GREM2: variants seen among roughly 807,000 people sequenced by gnomAD.
GREM2 encodes gremlin 2, DAN family BMP antagonist.
In GREM2, 11 loss-of-function variants were observed where a neutral mutation model predicts 14.2. That is an observed-to-expected ratio of 0.78 (90% CI 0.49 to 1.28). The LOEUF (loss-of-function observed/expected upper bound fraction) is 1.28. Ranked by LOEUF, GREM2 falls within the 50% of genes most tolerant of loss-of-function variation. The pLI is 0.00. For missense variants in GREM2, 210 were observed against 218.5 expected, an observed-to-expected ratio of 0.96 and a Z score of 0.24; for synonymous variants, 98 against 97.6, an observed-to-expected ratio of 1.00 and a Z score of -0.02.
chr1:240,546,062 C>T (rs1051688484), intron 1 of GREM2, among the ~76,000 whole-genome samples: 1 of 152,046 alleles, frequency 6.6e-6, no homozygotes, highest in African/African-American at 2.4e-5. Flanking sequence ...TGGCCAGGCA[C>T]GGTGGCGCAT....
chr1:240,497,430 A>G (rs781090421), intron 1 of GREM2, among the ~76,000 whole-genome samples: 3 of 151,944 alleles, frequency 2.0e-5, no homozygotes, highest in African/African-American at 7.3e-5. Context: ...GTGGGATCCA[A>G]TGGCCACAAA....
chr1:240,537,734 G>A (rs577955319), intron 1 of GREM2, among the ~76,000 whole-genome samples: 19 of 152,188 alleles, frequency 1.2e-4, no homozygotes, highest in Admixed American at 3.3e-4. Flanking sequence ...GCAGTGAGCC[G>A]AGATGGCGCC....
At chr1:240,532,016 T>TA (rs1678373975) in intron 1 of GREM2, among the ~76,000 whole-genome samples, 1 of 152,116 alleles carries the variant, frequency 6.6e-6, no homozygotes. Context: ...ACCTAGAACT[T>TA]AATCTTTTAA....
intron 1 of GREM2, among the ~76,000 whole-genome samples, chr1:240,598,333 G>A (rs1679859751): frequency 1.3e-5 from 2 of 152,108 alleles, no homozygotes; most frequent in Admixed American, 1.3e-4. Flanking sequence ...CTGAAGTTGT[G>A]GGATTTTGCA....
intron 1 of GREM2, among the ~76,000 whole-genome samples, chr1:240,582,444 AC>A (rs1679503768): frequency 1.3e-5 from 2 of 151,964 alleles, no homozygotes; most frequent in South Asian, 4.2e-4. Context: ...ACACACACAC[AC>A]AAAAAAAGAG....
intron 1 of GREM2, among the ~76,000 whole-genome samples, chr1:240,531,376 C>G (rs181351331): frequency 3.9e-5 from 6 of 152,304 alleles, no homozygotes; most frequent in Admixed American, 3.9e-4. Flanking sequence ...AAAAGCAGCA[C>G]AGTACAAGCT....
At chr1:240,532,166 C>A (rs1020724761) in intron 1 of GREM2, among the ~76,000 whole-genome samples, 3 of 152,130 alleles carry the variant, frequency 2.0e-5, no homozygotes, top group Admixed American at 1.3e-4. Flanking sequence ...TCACTGCAAC[C>A]TCCGCCTCCC....
chr1:240,566,510 G>C (rs1033017895), intron 1 of GREM2, among the ~76,000 whole-genome samples: 8 of 152,176 alleles, frequency 5.3e-5, no homozygotes, highest in Non-Finnish European at 1.2e-4. Flanking sequence ...AACCGACTCT[G>C]GGGAGATCGA....
rs182413705 is a variant in GREM2, at chr1:240,596,651, T to G, written c.-2+15233A>C. Among the ~76,000 whole-genome samples the G allele has an allele frequency of 4.3e-3, 655 of 151,184 alleles. 3 individuals carry two copies. The highest frequency in any genetic ancestry group is 0.015 in the African/African-American group (618 of 41,246). ...GGCAGAGGTTGCGGTGAGCTGAGAT[T>G]GTGCCATTGCACTCCAGCCTGGGCA... On this transcript the variant is annotated intron_variant, in intron 1 of 1. Coordinates refer to ENST00000318160, the MANE Select transcript of GREM2 (RefSeq NM_022469.4).
At chr1:240,601,684 C>T (rs1340969827) in intron 1 of GREM2, among the ~76,000 whole-genome samples, 1 of 152,082 alleles carries the variant, frequency 6.6e-6, no homozygotes, top group South Asian at 2.1e-4. Context: ...AGGCGGGCAT[C>T]TCTCCTGAGG....
intron 1 of GREM2, among the ~76,000 whole-genome samples, chr1:240,509,905 C>T (rs1387826851): frequency 6.6e-6 from 1 of 152,126 alleles, no homozygotes; most frequent in Non-Finnish European, 1.5e-5. Context: ...GTGTCAAGAA[C>T]TCATGATCCC....
rs140065449 is a variant in GREM2, at chr1:240,581,726, G to A, written c.-2+30158C>T. Among the ~76,000 whole-genome samples the A allele has an allele frequency of 1.2e-3, 186 of 152,266 alleles. 1 individual carries two copies. Among genetic ancestry groups the A allele is most frequent in the African/African-American group, 4.0e-3 (167 of 41,556 alleles). On this transcript the variant is annotated intron_variant, in intron 1 of 1. Coordinates refer to ENST00000318160, the MANE Select transcript of GREM2 (RefSeq NM_022469.4). ...CTTGGAATTAAGCTTTTCTATGCCT[G>A]TCAATTTATATATTTAAACAGCTGT...
At chr1:240,544,949 T>G (rs906544381) in intron 1 of GREM2, among the ~76,000 whole-genome samples, 3 of 152,204 alleles carry the variant, frequency 2.0e-5, no homozygotes, top group African/African-American at 4.8e-5. Flanking sequence ...AAAAATAAGA[T>G]CAAATGTTAT....
intron 1 of GREM2, among the ~76,000 whole-genome samples, chr1:240,494,869 C>T (rs1026635890): frequency 2.0e-5 from 3 of 152,004 alleles, no homozygotes; most frequent in African/African-American, 7.3e-5. Context: ...TCACTGTATT[C>T]CAGCCTGTGC....
rs1460648617 is a variant in GREM2 at position 240,490,671 on chromosome 1, A to T, written c.*2298T>A. On this transcript the variant is annotated 3_prime_UTR_variant, in exon 2 of 2. Coordinates refer to ENST00000318160, the MANE Select transcript of GREM2 (RefSeq NM_022469.4). ...AACCCCAGAAGGAGCTTCACACTGC[A>T]GCATATCATATTGCTTTCATTGCTA... 5 of 152,470 alleles carry T rather than the reference A, an allele frequency of 3.3e-5. No individual in the cohort carries two copies. The highest frequency in any genetic ancestry group is 5.9e-5 in the Non-Finnish European group (4 of 68,042). The allele number at this position is 152,470 out of a possible 1,614,324, so 9.4% of individuals were successfully genotyped here.
chr1:240,560,628 T>C (rs1371805111), intron 1 of GREM2, among the ~76,000 whole-genome samples: 1 of 152,112 alleles, frequency 6.6e-6, no homozygotes, highest in African/African-American at 2.4e-5. Context: ...AGAAACAAAT[T>C]AAAATTTCTT....
chr1:240,525,520 G>A (rs528172492), intron 1 of GREM2, among the ~76,000 whole-genome samples: 1 of 151,964 alleles, frequency 6.6e-6, no homozygotes, highest in East Asian at 1.9e-4. Context: ...TTTAAACAGA[G>A]TGCTGGAGTA....
intron 1 of GREM2, chr1:240,531,498 A>G: frequency 3.9e-6 from 1 of 259,112 alleles, no homozygotes; most frequent in Non-Finnish European, 6.0e-6. Context: ...TTTGTATGTA[A>G]TAGTATTTCA....
intron 1 of GREM2, among the ~76,000 whole-genome samples, chr1:240,517,545 A>G (rs929149270): frequency 3.3e-5 from 5 of 152,252 alleles, no homozygotes; most frequent in Non-Finnish European, 1.5e-5. Context: ...GATAAACCAT[A>G]GTATGTATTC....
Sources: gnomAD v4.1 joint callset for allele counts (sites outside exome capture counted in the v4.1 genomes callset) on GRCh38, gnomAD v4.1.1 for gene constraint, MANE v1.5 for transcripts, NCBI Gene and HGNC (gene_info 2026-07-23, HGNC 2026-07-21) for gene names.